Variants in PKD1 observed in about 807,000 individuals in gnomAD.
PKD1 encodes polycystin 1, transient receptor potential channel interacting.
A neutral mutation model predicts 361.7 loss-of-function variants in PKD1; 81 were observed. The observed-to-expected ratio is 0.22, with a 90% CI of 0.19 to 0.27. PKD1 has a LOEUF of 0.27. Among genes scored for constraint, PKD1 ranks in the 10% least tolerant of loss-of-function variants. PKD1 has a pLI of 1.00. For synonymous variants in PKD1, 3,615 were observed against 2,818.3 expected (o/e 1.28, Z -8.95); for missense variants, 6,399 against 6,118.3 (o/e 1.05, Z -1.53).
chr16:2,101,787 C>T (rs34808655), intron 26 of PKD1, among the ~76,000 whole-genome samples: 7,606 of 152,340 alleles, frequency 0.05, 262 homozygotes, highest in Non-Finnish European at 0.066. Flanking sequence ...ACAGTGGTAG[C>T]GATGCTCACG....
rs2092444473 is a variant in PKD1, at chr16:2,109,406, G to A, written c.5761C>T (p.Leu1921=). The change falls in exon 15 of 46, where the codon CTG becomes TTG. Residue 1921 remains leucine, a synonymous_variant. Transcript: ENST00000262304. ...LAAGSAVTFR[L]QVGGANPEVL... The stretch of plus-strand genomic sequence containing the variant: ...TCGGGGTTGGCCCCGCCGACCTGCA[G>A]GCGGAAGGTGACAGCTGAGCCGGCA... 7 of 1,600,912 alleles carry A rather than the reference G, an allele frequency of 4.4e-6. No homozygotes were observed. The highest frequency in any genetic ancestry group is 4.5e-5 in the East Asian group (2 of 44,840).
Position 2,097,191 on chromosome 16 carries a change from G to A in PKD1, c.10456C>T (p.Pro3486Ser). 1 of 1,562,052 alleles carries A rather than the reference G, an allele frequency of 6.4e-7. No homozygotes were observed. Among genetic ancestry groups the A allele is most frequent in the Non-Finnish European group, 8.7e-7 (1 of 1,153,084 alleles). The change falls in exon 34 of 46, where the codon CCT becomes TCT. Residue 3486 changes from proline (P) to serine (S), a missense_variant. By Grantham distance (74) the Pro-to-Ser change is moderately conservative (BLOSUM62 -1). Coordinates refer to ENST00000262304, the MANE Select transcript of PKD1 (RefSeq NM_001009944.3). ...VLAEGVSSPA[P>S]TQDTHMETDL... ...GTTTCCATGTGGGTGTCTTGGGTAG[G>A]GGCTGGGCTGCTGACCCCCTCGGCA...
chr16:2,089,848 G>A lies in PKD1; in HGVS notation c.12791C>T (p.Pro4264Leu), dbSNP rs752085023. Residue 4264 changes from proline to leucine, a missense_variant, in exon 46 of 46, where the codon CCG becomes CTG. By Grantham distance (98) the Pro-to-Leu change is moderately conservative. Coordinates refer to ENST00000262304, the MANE Select transcript of PKD1 (RefSeq NM_001009944.3). Reference protein sequence around the residue: ...APAGSSRGPSPGLRPALPSRL... With the variant: ...APAGSSRGPSLGLRPALPSRL... Reference sequence around the variant, plus strand: ...GCTGGGCAGTGCTGGCCGCAGGCCCGGGGATGGGCCACGGGAAGATCCGGC... The same window carrying A: ...GCTGGGCAGTGCTGGCCGCAGGCCCAGGGATGGGCCACGGGAAGATCCGGC... 6.2e-6 allele frequency: 10 copies of A among 1,607,040 alleles called. No homozygotes were observed. Among genetic ancestry groups the A allele is most frequent in the South Asian group, 2.2e-5 (2 of 90,126 alleles).
chr16:2,122,692 T>G (rs948105506), intron 1 of PKD1, among the ~76,000 whole-genome samples: 1 of 152,148 alleles, frequency 6.6e-6, no homozygotes, highest in Non-Finnish European at 1.5e-5. Context: ...CAGTTAGACC[T>G]GAGGAGGGAC....
At position 2,119,149 on chromosome 16, in the gene PKD1, T is replaced by C. The variant is rs1220440152; in HGVS notation, c.324A>G (p.Glu108=). 1 of 1,489,794 alleles carries C rather than the reference T, an allele frequency of 6.7e-7. No individual in the cohort carries two copies. Among genetic ancestry groups the C allele is most frequent in the East Asian group, 2.3e-5 (1 of 43,778 alleles). 92.3% of individuals were successfully genotyped at this position (1,489,794 alleles called of 1,614,324 possible). The stretch of plus-strand genomic sequence containing the variant: ...AATTAAATAAATTAGCAAATATTCC[T>C]TCTTCTAACGTAGAAATCTTGTTGT... ...ISNNKISTLE[E]GIFANLFNLS... is the part of the protein sequence containing the mutation. The change falls in exon 3 of 46, where the codon GAA becomes GAG. Residue 108 remains glutamate, a synonymous_variant. Transcript: ENST00000262304.
Position 2,114,933 on chromosome 16 carries a change from G to A in PKD1, c.2098-8C>T, listed in dbSNP as rs2092604843. On this transcript the variant is annotated splice_polypyrimidine_tract_variant and splice_region_variant and intron_variant, in intron 10 of 45. Coordinates refer to ENST00000262304, the MANE Select transcript of PKD1 (RefSeq NM_001009944.3). ...CTGGCCGTGGAGGGTGACCTGTGGAGAGGGAGGCAGGGCTGCATCACGTCC... is the reference window on the plus strand; with the variant it reads ...CTGGCCGTGGAGGGTGACCTGTGGAAAGGGAGGCAGGGCTGCATCACGTCC... The A allele has an allele frequency of 6.5e-7, 1 of 1,529,704 alleles. No homozygotes were observed. The highest frequency in any genetic ancestry group is 1.2e-5 in the South Asian group (1 of 83,948). 94.8% of individuals were successfully genotyped at this position (1,529,704 alleles called of 1,614,324 possible).
intron 1 of PKD1, among the ~76,000 whole-genome samples, chr16:2,126,512 C>T (rs1314885782): frequency 6.6e-6 from 1 of 152,284 alleles, no homozygotes; most frequent in Non-Finnish European, 1.5e-5. Flanking sequence ...AGGACAGCTG[C>T]CAAGCCATGA....
intron 24 of PKD1, 24 bp from the exon 25 acceptor site, chr16:2,102,657 C>A (rs780906425): frequency 1.2e-6 from 2 of 1,610,614 alleles, no homozygotes; most frequent in African/African-American, 2.7e-5. Flanking sequence ...GGGTAGCGGA[C>A]GTGAGCCCAG....
intron 9 of PKD1, among the ~76,000 whole-genome samples, 159 bp from the exon 10 acceptor site, chr16:2,115,784 G>A (rs1433318244): frequency 2.6e-5 from 4 of 152,136 alleles, no homozygotes; most frequent in South Asian, 2.1e-4. Context: ...CCGGCCAGCC[G>A]ACTGACCCAG....
In PKD1 at chr16:2,102,222, A is replaced by G; in HGVS notation, c.9236T>C (p.Leu3079Pro). The change falls in exon 26 of 46, where the codon CTG (leucine) becomes CCG (proline). Residue 3079 changes from leucine (L) to proline (P), a missense_variant. Transcript: ENST00000262304. ...PTADVNYIVM[L>P]TCAVCLVTYM... Reference sequence around the variant, plus strand: ...GGTCACCAGGCACACAGCACATGTCAGCATGACGATGTAGTTTACATCCGC... The same window carrying G: ...GGTCACCAGGCACACAGCACATGTCGGCATGACGATGTAGTTTACATCCGC... 6.5e-7 allele frequency: 1 copy of G among 1,526,940 alleles called. No individual in the cohort carries two copies. The highest frequency in any genetic ancestry group is 1.1e-5 in the South Asian group (1 of 89,114). 94.6% of individuals were successfully genotyped at this position (1,526,940 alleles called of 1,614,324 possible).
rs542838331 is a variant in PKD1 at position 2,103,891 on chromosome 16, G to A, written c.8166C>T (p.Asp2722=). Residue 2722 remains aspartate, a synonymous_variant, in exon 23 of 46, where the codon GAC becomes GAT. Coordinates refer to ENST00000262304, the MANE Select transcript of PKD1 (RefSeq NM_001009944.3). ...CGTCCGAGCTGGCCAGGTGGATGAG[G>A]TCTCCTGCAGACATGCGTGAGGTCA... ...IGDSILNITG[D]LIHLASSDVR... 3.8e-6 allele frequency: 6 copies of A among 1,566,446 alleles called. No homozygotes were observed. The highest frequency in any genetic ancestry group is 2.9e-5 in the African/African-American group (2 of 68,558).
intron 11 of PKD1, among the ~76,000 whole-genome samples, chr16:2,113,514 G>C (rs1173379434): frequency 1.3e-5 from 2 of 152,120 alleles, no homozygotes; most frequent in African/African-American, 2.4e-5. Flanking sequence ...CAACCTCTCT[G>C]TGCCTCAGTT....
chr16:2,089,511 C>T lies in PKD1; in HGVS notation c.*216G>A, dbSNP rs1020674438. 1 of 607,630 alleles carries T rather than the reference C, an allele frequency of 1.6e-6. No individual in the cohort carries two copies. The highest frequency in any genetic ancestry group is 1.8e-5 in the African/African-American group (1 of 54,118). The allele number at this position is 607,630 out of a possible 1,614,324, so 37.6% of individuals were successfully genotyped here. On this transcript the variant is annotated 3_prime_UTR_variant, in exon 46 of 46. Coordinates refer to ENST00000262304, the MANE Select transcript of PKD1 (RefSeq NM_001009944.3). Reference sequence around the variant, plus strand: ...TAGAAACCGTCCAATACTGCTGTGTCCTTCCCAAGGGAGCTGGGGAGGGGA... The same window carrying T: ...TAGAAACCGTCCAATACTGCTGTGTTCTTCCCAAGGGAGCTGGGGAGGGGA...
chr16:2,088,893 A>ACACC lies in PKD1; in HGVS notation c.*833_*834insGGTG. ...CGCGTGCGCGCGCGCACACACACAC[A>ACACC]CACACAGTCACCTTCCTCCACCCTG... On this transcript the variant is annotated 3_prime_UTR_variant, in exon 46 of 46. Transcript: ENST00000262304. 2 of 445,728 alleles carry ACACC rather than the reference A, an allele frequency of 4.5e-6. No individual in the cohort carries two copies. The highest frequency in any genetic ancestry group is 8.2e-6 in the Non-Finnish European group (2 of 242,932). 27.6% of individuals were successfully genotyped at this position (445,728 alleles called of 1,614,324 possible). A position where few individuals can be genotyped will look rare whatever the true frequency, so the allele number is the denominator to read the frequency against.
At position 2,089,462 on chromosome 16, in the gene PKD1, G is replaced by GAAAT. The variant is rs766153620; in HGVS notation, c.*261_*264dup. ...AGCCCGCTGTACCTGAGGACTCGGG[G>GAAAT]AAATAAATTAGCATCTCAGAGGCTA... is the stretch of plus-strand genomic sequence containing the variant. On this transcript the variant is annotated 3_prime_UTR_variant, in exon 46 of 46. Transcript: ENST00000262304. 2.6e-5 allele frequency: 14 copies of GAAAT among 548,304 alleles called. No homozygotes were observed. In the Middle Eastern group the frequency reaches 2.4e-3, roughly 95 times the overall value. The allele number at this position is 548,304 out of a possible 1,614,324, so 34.0% of individuals were successfully genotyped here. A position where few individuals can be genotyped will look rare whatever the true frequency, so the allele number is the denominator to read the frequency against.
rs1383225900 is a variant in PKD1, at chr16:2,100,514, G to A, written c.9450C>T (p.Gly3150=). 7 of 1,610,480 alleles carry A rather than the reference G, an allele frequency of 4.3e-6. No homozygotes were observed. Among genetic ancestry groups the A allele is most frequent in the African/African-American group, 2.7e-5 (2 of 74,854 alleles). The change falls in exon 27 of 46, where the codon GGC becomes GGT. Residue 3150 remains glycine, a synonymous_variant. Coordinates refer to ENST00000262304, the MANE Select transcript of PKD1 (RefSeq NM_001009944.3). This position sits in a 1 kb window ranked among gnomAD's most constrained non-coding sequence, Gnocchi z 4.4. ...IMLYGVDSRS[G]HRHLDGDRAF... is the part of the protein sequence containing the mutation. ...CTCTGTCGCCGTCCAGGTGCCGGTG[G>A]CCGCTCCGGCTGTCCACCCCATACA...
rs1809533786 is a variant in PKD1 at position 2,088,838 on chromosome 16, T to G, written c.*889A>C. The G allele has an allele frequency of 1.7e-6, 1 of 598,968 alleles. No homozygotes were observed. The allele number at this position is 598,968 out of a possible 1,614,324, so 37.1% of individuals were successfully genotyped here. A position where few individuals can be genotyped will look rare whatever the true frequency, so the allele number is the denominator to read the frequency against. ...CAGGCACAGCCAGCTCCGAGGGCCT[T>G]GAGGCTGCCTGGGCCATACAGCACA... On this transcript the variant is annotated 3_prime_UTR_variant, in exon 46 of 46. Coordinates refer to ENST00000262304, the MANE Select transcript of PKD1 (RefSeq NM_001009944.3).
intron 22 of PKD1, 145 bp downstream of exon 22, chr16:2,104,353 G>A (rs1402776154): frequency 1.3e-5 from 7 of 533,272 alleles, no homozygotes; most frequent in Non-Finnish European, 2.0e-5. Flanking sequence ...TGGGAATTGG[G>A]GGAGGGGGAT....
intron 39 of PKD1, 125 bp downstream of exon 39, chr16:2,092,355 A>ACGG (rs2091633079): frequency 1.0e-6 from 1 of 971,800 alleles, no homozygotes. Flanking sequence ...AGAGAAGGAA[A>ACGG]CGGCGGTGTT....
Sources: gnomAD v4.1 joint callset for allele counts (sites outside exome capture counted in the v4.1 genomes callset) on GRCh38, gnomAD v4.1.1 for gene constraint, Gnocchi (gnomAD v3.1) non-coding constraint, MANE v1.5 for transcripts, NCBI Gene and HGNC (gene_info 2026-07-23, HGNC 2026-07-21) for gene names.